Variants in EMC10 observed in about 807,000 individuals in gnomAD.
EMC10 encodes the protein ER membrane protein complex subunit 10.
In EMC10, 40 loss-of-function variants were observed where a neutral mutation model predicts 32.2. The ratio of observed to expected loss-of-function variants is 1.24; its 90% CI spans 0.96 to 1.61. The LOEUF is 1.61. EMC10 is among the 40% of genes most tolerant of loss of function. The pLI is 0.00. For missense variants in EMC10, 402 were observed against 357.7 expected, an observed-to-expected ratio of 1.12 and a Z score of -1.00; for synonymous variants, 178 against 158.4, an observed-to-expected ratio of 1.12 and a Z score of -0.93.
At chr19:50,481,066 A>G (rs1299443661) in intron 6 of EMC10, 89 bp downstream of exon 6, 17 of 1,002,172 alleles carry the variant, frequency 1.7e-5, no homozygotes, top group Admixed American at 8.8e-5. Flanking sequence ...AGACTCCCCT[A>G]TGGTGCTCGG....
At position 50,482,465 on chromosome 19, in the gene EMC10, G is replaced by A. The variant is rs867131319; in HGVS notation, c.*206G>A. 9 of 589,220 alleles carry A rather than the reference G, an allele frequency of 1.5e-5. No homozygotes were observed. Among genetic ancestry groups the A allele is most frequent in the African/African-American group, 1.3e-4 (7 of 53,190 alleles). The allele number at this position is 589,220 out of a possible 1,614,324, so 36.5% of individuals were successfully genotyped here. A position where few individuals can be genotyped will look rare whatever the true frequency, so the allele number is the denominator to read the frequency against. ...TGGGGCCTTTGGCACAGCAGCCGGT[G>A]TCTCCTGCGCCCGCCTCCCCCATGG... is the stretch of plus-strand genomic sequence containing the variant. On this transcript the variant is annotated 3_prime_UTR_variant, in exon 7 of 7. Transcript: ENST00000334976.
Position 50,478,001 on chromosome 19 carries a change from G to A in EMC10, c.187G>A (p.Asp63Asn), listed in dbSNP as rs375617947. 1.6e-5 allele frequency: 26 copies of A among 1,602,546 alleles called. No homozygotes were observed. The highest frequency in any genetic ancestry group is 1.7e-4 in the Middle Eastern group (1 of 6,014). ...GCTGCTGGAGCACTCATTTGAGATCGGTGAGTCAGGCAACGTCCTCTCCTA... is the reference window on the plus strand; with the variant it reads ...GCTGCTGGAGCACTCATTTGAGATCAGTGAGTCAGGCAACGTCCTCTCCTA... ...GLLLEHSFEI[D>N]DSANFRKRGS... Residue 63 changes from aspartate (D) to asparagine (N), a missense_variant and splice_region_variant, in exon 2 of 7, where the codon GAT becomes AAT. Asp to Asn is a conservative substitution (Grantham distance 23). Transcript: ENST00000334976.
Position 50,484,980 on chromosome 19 carries a change from CAT to C in EMC10, c.*2722_*2723del, listed in dbSNP as rs2040373959. ...CTCTCCACAGAAACAAGCAGATGCA[CAT>C]GTCAACAGTTTTGCAAGTGTTGCTC... On this transcript the variant is annotated 3_prime_UTR_variant, in exon 7 of 7. Coordinates refer to ENST00000334976, the MANE Select transcript of EMC10 (RefSeq NM_206538.4). 1 of 152,184 alleles carries C rather than the reference CAT, an allele frequency of 6.6e-6. No homozygotes were observed. The highest frequency in any genetic ancestry group is 2.1e-4 in the South Asian group (1 of 4,828). 9.4% of individuals were successfully genotyped at this position (152,184 alleles called of 1,614,324 possible).
intron 3 of EMC10, 75 bp downstream of exon 3, chr19:50,479,141 TG>T: frequency 8.2e-7 from 1 of 1,219,300 alleles, no homozygotes; most frequent in Non-Finnish European, 1.2e-6. Context: ...CACCCCCTGC[TG>T]GTCCCCAGCA....
rs2040334542 is a variant in EMC10, at chr19:50,482,266, AG to A, written c.*9del. The A allele has an allele frequency of 8.8e-7, 1 of 1,141,210 alleles. No homozygotes were observed. Among genetic ancestry groups the A allele is most frequent in the Non-Finnish European group, 1.3e-6 (1 of 786,650 alleles). The allele number at this position is 1,141,210 out of a possible 1,614,324, so 70.7% of individuals were successfully genotyped here. Reference sequence around the variant, plus strand: ...TGGGGGTAGTGGCCGGTGAGGGCCCAGGCTGGTCAGCGTCCCGTCTTGCACA... The same window carrying A: ...TGGGGGTAGTGGCCGGTGAGGGCCCAGCTGGTCAGCGTCCCGTCTTGCACA... On this transcript the variant is annotated 3_prime_UTR_variant, in exon 7 of 7. Coordinates refer to ENST00000334976, the MANE Select transcript of EMC10 (RefSeq NM_206538.4).
At chr19:50,482,030 C>T (rs929306382) in intron 6 of EMC10, 119 bp from the exon 7 acceptor site, 196 of 1,550,472 alleles carry the variant, frequency 1.3e-4, no homozygotes, top group Non-Finnish European at 6.9e-5. Context: ...GGGCGCCCTC[C>T]CCTTACGCGA....
At chr19:50,481,260 A>G in intron 6 of EMC10, 1 of 390,896 alleles carries the variant, frequency 2.6e-6, no homozygotes. Flanking sequence ...GGAACAGTGG[A>G]GGTTTCAAAG....
chr19:50,480,869 C>T lies in EMC10; in HGVS notation c.585-15C>T, dbSNP rs775272055. 3 of 1,591,840 alleles carry T rather than the reference C, an allele frequency of 1.9e-6. No homozygotes were observed. The Admixed American group carries it at 5.2e-5, about 28-fold the overall frequency. On this transcript the variant is annotated splice_polypyrimidine_tract_variant and intron_variant, in intron 5 of 6. Coordinates refer to ENST00000334976, the MANE Select transcript of EMC10 (RefSeq NM_206538.4). The surrounding 1 kb of genome is among the most constrained non-coding windows in gnomAD (Gnocchi z 4.4). ...CTCCGGGCCTCACCCTTCTCCTCCT[C>T]TCCCCTTGCCCCAGCCCTGAGACGG... is the stretch of plus-strand genomic sequence containing the variant.
rs2040343786 is a variant in EMC10 at position 50,482,779 on chromosome 19, C to T, written c.*520C>T. 2 of 494,398 alleles carry T rather than the reference C, an allele frequency of 4.0e-6. No homozygotes were observed. The highest frequency in any genetic ancestry group is 7.5e-5 in the Admixed American group (2 of 26,520). The allele number at this position is 494,398 out of a possible 1,614,324, so 30.6% of individuals were successfully genotyped here. Reference sequence around the variant, plus strand: ...TTGAGGGTACCCTGGGTCCCCTCATCAGGGGCAGAGGCATGAAAGAGTCGG... The same window carrying T: ...TTGAGGGTACCCTGGGTCCCCTCATTAGGGGCAGAGGCATGAAAGAGTCGG... On this transcript the variant is annotated 3_prime_UTR_variant, in exon 7 of 7. Transcript: ENST00000334976.
At chr19:50,477,700 T>C (rs2040250283) in intron 1 of EMC10, among the ~76,000 whole-genome samples, 1 of 152,132 alleles carries the variant, frequency 6.6e-6, no homozygotes, top group Admixed American at 6.5e-5. Context: ...GCTTTGGCAA[T>C]GAGGTTAGGC....
Position 50,486,000 on chromosome 19 carries a change from G to C in EMC10, c.*3741G>C, listed in dbSNP as rs1474748913. ...TTCCTGCCACCAGAAAATGTTATCG[G>C]CTGCGTGGCATTGCGAAAGCCTTCC... On this transcript the variant is annotated 3_prime_UTR_variant, in exon 7 of 7. Transcript: ENST00000334976. The C allele has an allele frequency of 2.0e-5, 3 of 152,138 alleles. No homozygotes were observed. The highest frequency in any genetic ancestry group is 2.0e-4 in the Admixed American group (3 of 15,270). The allele number at this position is 152,138 out of a possible 1,614,324, so 9.4% of individuals were successfully genotyped here.
rs2040295896 is a variant in EMC10 at position 50,480,213 on chromosome 19, G to A, written c.400G>A (p.Ala134Thr). 1.9e-6 allele frequency: 3 copies of A among 1,613,280 alleles called. No individual in the cohort carries two copies. The highest frequency in any genetic ancestry group is 1.7e-6 in the Non-Finnish European group (2 of 1,179,660). ...AGGYVSSFVP[A>T]CSLVESHLSD... Reference sequence around the variant, plus strand: ...TGGCTATGTCTCCTCCTTTGTCCCTGCGGTGAGTTGGTGTCGGGGATGAGC... The same window carrying A: ...TGGCTATGTCTCCTCCTTTGTCCCTACGGTGAGTTGGTGTCGGGGATGAGC... The change falls in exon 4 of 7, where the codon GCG becomes ACG. Residue 134 changes from alanine (A) to threonine (T), a missense_variant and splice_region_variant. By Grantham distance (58) the Ala-to-Thr change is moderately conservative. Transcript: ENST00000334976. The surrounding 1 kb of genome is among the most constrained non-coding windows in gnomAD (Gnocchi z 4.4).
chr19:50,478,833 TG>T (rs2040271510), intron 2 of EMC10, 123 bp from the exon 3 acceptor site: 1 of 666,918 alleles, frequency 1.5e-6, no homozygotes, highest in East Asian at 2.8e-5. Context: ...GGGGCCCAGA[TG>T]GGGAGGGAAC....
chr19:50,478,556 T>C (rs1320194557), intron 2 of EMC10, among the ~76,000 whole-genome samples: 1 of 152,192 alleles, frequency 6.6e-6, no homozygotes, highest in Non-Finnish European at 1.5e-5. Context: ...ACCCTGAAGC[T>C]GGTGCCCCTC....
chr19:50,478,824 G>C, intron 2 of EMC10, 133 bp from the exon 3 acceptor site: 1 of 655,346 alleles, frequency 1.5e-6, no homozygotes, highest in South Asian at 1.9e-5. Flanking sequence ...AGCAAAATGG[G>C]GGCCCAGATG....
At chr19:50,478,426 G>A (rs913146349) in intron 2 of EMC10, among the ~76,000 whole-genome samples, 1 of 152,148 alleles carries the variant, frequency 6.6e-6, no homozygotes, top group African/African-American at 2.4e-5. Flanking sequence ...GCAGAGCAGG[G>A]GCCAGCTTCA....
At position 50,482,232 on chromosome 19, in the gene EMC10, GGGT is replaced by G; in HGVS notation, c.771_773del (p.Gly259del). 2.1e-6 allele frequency: 2 copies of G among 967,832 alleles called. No individual in the cohort carries two copies. The highest frequency in any genetic ancestry group is 1.6e-5 in the South Asian group (1 of 64,252). The allele number at this position is 967,832 out of a possible 1,614,324, so 60.0% of individuals were successfully genotyped here. Reference sequence around the variant, plus strand: ...GGGGCCAGGGTGGGGGTGGGGGTGGGGGTGGTGGTGGGGGTAGTGGCCGGTGAG... The same window carrying G: ...GGGGCCAGGGTGGGGGTGGGGGTGGGGGTGGTGGGGGTAGTGGCCGGTGAG... On this transcript the variant is annotated inframe_deletion, in exon 7 of 7. Transcript: ENST00000334976.
chr19:50,478,024 C>T, intron 2 of EMC10, 23 bp downstream of exon 2: 1 of 1,583,044 alleles, frequency 6.3e-7, no homozygotes, highest in Non-Finnish European at 8.6e-7. Context: ...ACGTCCTCTC[C>T]TAGACACTTA....
Position 50,489,319 on chromosome 19 carries a change from AAAGC to A in EMC10, c.*7062_*7065del, listed in dbSNP as rs1469928649. On this transcript the variant is annotated 3_prime_UTR_variant, in exon 7 of 7. Coordinates refer to ENST00000334976, the MANE Select transcript of EMC10 (RefSeq NM_206538.4). Reference sequence around the variant, plus strand: ...TCCAGCGGGTGAGTGAGCGAGAAAAAAAGCAGAAAGGAAAGAAGAGGTGCATGAG... The same window carrying A: ...TCCAGCGGGTGAGTGAGCGAGAAAAAAGAAAGGAAAGAAGAGGTGCATGAG... 6.6e-6 allele frequency: 1 copy of A among 152,390 alleles called. No individual in the cohort carries two copies. Among genetic ancestry groups the A allele is most frequent in the African/African-American group, 2.4e-5 (1 of 41,408 alleles). The allele number at this position is 152,390 out of a possible 1,614,324, so 9.4% of individuals were successfully genotyped here. A position where few individuals can be genotyped will look rare whatever the true frequency, so the allele number is the denominator to read the frequency against.
Sources: gnomAD v4.1 joint callset for allele counts (sites outside exome capture counted in the v4.1 genomes callset) on GRCh38, gnomAD v4.1.1 for gene constraint, Gnocchi (gnomAD v3.1) non-coding constraint, MANE v1.5 for transcripts, NCBI Gene and HGNC (gene_info 2026-07-23, HGNC 2026-07-21) for gene names.